The following C2orf76 variants were observed in gnomAD, a reference collection of about 807,000 sequenced individuals.
The protein encoded by C2orf76 is UPF0538 protein C2orf76.
Under a neutral mutation model 16.9 loss-of-function variants are expected in C2orf76, and 23 were observed. The ratio of observed to expected loss-of-function variants is 1.36; its 90% CI spans 0.98 to 1.93. The LOEUF (loss-of-function observed/expected upper bound fraction) is 1.93, where lower values mean the gene tolerates loss of function less well. Among genes scored for constraint, C2orf76 ranks in the 30% most tolerant of loss-of-function variants. The probability of loss-of-function intolerance (pLI) is 0.00; values close to 1 mark genes in which losing one functional copy is unlikely to be tolerated. For missense variants in C2orf76, 152 were observed against 152.6 expected (o/e 1.00, Z 0.02); for synonymous variants, 48 against 52.3 (o/e 0.92, Z 0.35).
Position 119,311,705 on chromosome 2 carries a change from T to TG in C2orf76, c.223-3_223-2insC. The TG allele has an allele frequency of 3.0e-6, 4 of 1,315,626 alleles. No homozygotes were observed. The East Asian group carries it at 8.0e-5, about 26-fold the overall frequency. The allele number at this position is 1,315,626 out of a possible 1,614,324, so 81.5% of individuals were successfully genotyped here. A position where few individuals can be genotyped will look rare whatever the true frequency, so the allele number is the denominator to read the frequency against. On this transcript the variant is annotated splice_region_variant and splice_polypyrimidine_tract_variant and intron_variant, in intron 4 of 5. Transcript: ENST00000334816. ...CAAACTCAACACAAGTTCATTTGTC[T>TG]AAAAAAAAAAAAGAAAATCTGCATT...
chr2:119,366,747 C>T (rs1681021892), intron 1 of C2orf76, 43 bp downstream of exon 1: 3 of 538,350 alleles, frequency 5.6e-6, no homozygotes, highest in Admixed American at 6.7e-5. Flanking sequence ...TCTCGACCAA[C>T]TCCCGGCAGC....
At chr2:119,312,824 G>C (rs1428319011) in intron 4 of C2orf76, among the ~76,000 whole-genome samples, 2 of 151,874 alleles carry the variant, frequency 1.3e-5, no homozygotes. Flanking sequence ...TCAGGAGATC[G>C]AGACCATCCT....
At chr2:119,367,115 G>A, upstream of C2orf76, 1 of 1,609,726 alleles carries the variant, frequency 6.2e-7, no homozygotes, top group Non-Finnish European at 8.5e-7. Flanking sequence ...AGGCCCGTTG[G>A]GGGCTCAGCC....
downstream of C2orf76, among the ~76,000 whole-genome samples, chr2:119,298,715 C>T (rs1678573502): frequency 6.6e-6 from 1 of 151,932 alleles, no homozygotes; most frequent in Non-Finnish European, 1.5e-5. Flanking sequence ...GTCTTTTATA[C>T]TCATCTAATA....
intron 5 of C2orf76, among the ~76,000 whole-genome samples, chr2:119,308,242 T>C (rs1678860729): frequency 6.6e-6 from 1 of 152,264 alleles, no homozygotes; most frequent in Non-Finnish European, 1.5e-5. Flanking sequence ...TATCAATTAC[T>C]GGCAATGCCA....
chr2:119,286,103 G>C, the C2orf76 span, among the ~76,000 whole-genome samples: 3 of 151,808 alleles, frequency 2.0e-5, no homozygotes, highest in Admixed American at 6.6e-5. Flanking sequence ...GTGGGCACCT[G>C]TAGTCCCAGC....
chr2:119,367,023 C>G (rs745724572), upstream of C2orf76: 33 of 1,613,904 alleles, frequency 2.0e-5, no homozygotes. Flanking sequence ...CCTCCGCTGT[C>G]TCCCTGGAGT....
At chr2:119,283,840 A>G in the C2orf76 span, among the ~76,000 whole-genome samples, 1 of 152,150 alleles carries the variant, frequency 6.6e-6, no homozygotes, top group Non-Finnish European at 1.5e-5. Flanking sequence ...ATATAATCAA[A>G]TCAAAAAATC....
chr2:119,364,891 A>G (rs1680874482), intron 1 of C2orf76, among the ~76,000 whole-genome samples: 1 of 152,018 alleles, frequency 6.6e-6, no homozygotes, highest in African/African-American at 2.4e-5. Context: ...CCAACAACAT[A>G]GCAAGACCCC....
At chr2:119,296,525 A>G in the C2orf76 span, among the ~76,000 whole-genome samples, 1 of 152,156 alleles carries the variant, frequency 6.6e-6, no homozygotes, top group Admixed American at 6.5e-5. Flanking sequence ...CGATGCCCCA[A>G]TATGCATTAG....
intron 2 of C2orf76, among the ~76,000 whole-genome samples, chr2:119,325,457 C>CAAAAAAAA (rs59581840): frequency 5.0e-5 from 3 of 59,770 alleles, no homozygotes; most frequent in African/African-American, 6.3e-5. Context: ...AAGACTGTCT[C>CAAAAAAAA]AAAAAAAAAA....
chr2:119,350,418 A>T (rs1227733396), intron 1 of C2orf76, among the ~76,000 whole-genome samples: 2 of 152,176 alleles, frequency 1.3e-5, no homozygotes, highest in Admixed American at 1.3e-4. Flanking sequence ...CTCCCTGCCT[A>T]AAAAACCTGT....
chr2:119,310,160 G>A (rs1259069480), intron 5 of C2orf76, among the ~76,000 whole-genome samples: 1 of 152,042 alleles, frequency 6.6e-6, no homozygotes, highest in African/African-American at 2.4e-5. Context: ...CCATGGAGCT[G>A]TCTGTCAACA....
intron 3 of C2orf76, among the ~76,000 whole-genome samples, chr2:119,318,341 A>G (rs1423198538): frequency 2.0e-5 from 3 of 152,206 alleles, no homozygotes; most frequent in African/African-American, 7.2e-5. Context: ...AACTTAAACT[A>G]AAACTCATTC....
Position 119,366,827 on chromosome 2 carries a change from G to C in C2orf76, c.-50C>G. ...TCCCCTTCGGCTACTCCCGGCGTTT[G>C]CGCAAGCGGTCCCACGTGGGCTCGG... On this transcript the variant is annotated 5_prime_UTR_variant, in exon 1 of 6. Transcript: ENST00000334816. 1.7e-6 allele frequency: 1 copy of C among 599,238 alleles called. No homozygotes were observed. Among genetic ancestry groups the C allele is most frequent in the Non-Finnish European group, 2.9e-6 (1 of 340,826 alleles). The allele number at this position is 599,238 out of a possible 1,614,324, so 37.1% of individuals were successfully genotyped here. A position where few individuals can be genotyped will look rare whatever the true frequency, so the allele number is the denominator to read the frequency against.
chr2:119,336,632 A>G (rs1051638208), intron 2 of C2orf76, among the ~76,000 whole-genome samples: 44 of 152,098 alleles, frequency 2.9e-4, no homozygotes, highest in African/African-American at 9.7e-4. Flanking sequence ...CATGACTACG[A>G]AAGAAAAGAA....
At chr2:119,328,058 G>A (rs1014028493) in intron 2 of C2orf76, among the ~76,000 whole-genome samples, 1 of 151,236 alleles carries the variant, frequency 6.6e-6, no homozygotes, top group Non-Finnish European at 1.5e-5. Flanking sequence ...ACAGTATCTC[G>A]CTATGTTGCT....
chr2:119,366,923 T>C (rs1319065723), upstream of C2orf76: 7 of 1,200,932 alleles, frequency 5.8e-6, no homozygotes, highest in Admixed American at 8.4e-5. Flanking sequence ...GGCTTTCCGG[T>C]GCTCGCCCGA....
intron 1 of C2orf76, among the ~76,000 whole-genome samples, chr2:119,357,260 GACA>G (rs60477763): frequency 0.18 from 28,078 of 151,894 alleles, 2,802 homozygotes; most frequent in East Asian, 0.22. Flanking sequence ...CTAAAAAAAA[GACA>G]ACAACAGACC....
Sources: allele counts gnomAD v4.1 joint callset (sites outside exome capture counted in the v4.1 genomes callset), GRCh38; gene constraint gnomAD v4.1.1; transcripts MANE v1.5; gene names NCBI Gene and HGNC (gene_info 2026-07-23, HGNC 2026-07-21).